The following POU2AF3 variants were observed in gnomAD, a reference collection of about 807,000 sequenced individuals.
POU2AF3 encodes cancer susceptibility candidate 13.
At chr11:111,308,460 C>T in the POU2AF3 span, 1 of 1,525,548 alleles carries the variant, frequency 6.6e-7, no homozygotes, top group Non-Finnish European at 8.8e-7. Context: ...TAATTCAGAA[C>T]ATGGCATGGG....
At chr11:111,298,817 G>A in the POU2AF3 span, 1 of 1,160,822 alleles carries the variant, frequency 8.6e-7, no homozygotes, top group Non-Finnish European at 1.1e-6. Flanking sequence ...GGACGTCCGC[G>A]TACCCCAGGC....
chr11:111,308,169 C>A, the POU2AF3 span: 1 of 1,551,778 alleles, frequency 6.4e-7, no homozygotes, highest in Non-Finnish European at 8.7e-7. Context: ...AATTACAATT[C>A]CCCTGCTTCT....
At chr11:111,300,511 A>T in the POU2AF3 span, 1 of 1,211,396 alleles carries the variant, frequency 8.3e-7, no homozygotes, top group Non-Finnish European at 1.0e-6. Context: ...CCACTGACTC[A>T]GTTGCCTTTC....
At chr11:111,306,721 CT>C in the POU2AF3 span, 1 of 905,542 alleles carries the variant, frequency 1.1e-6, no homozygotes, top group Non-Finnish European at 1.7e-6. Context: ...CATACAAAAA[CT>C]ATCAGCAAGG....
chr11:111,298,900 TG>T, the POU2AF3 span: 1 of 1,106,692 alleles, frequency 9.0e-7, no homozygotes, highest in Non-Finnish European at 1.1e-6. Flanking sequence ...GCCCAGAAGC[TG>T]CTACGGGGGG....
At chr11:111,300,265 G>C in the POU2AF3 span, 2 of 318,920 alleles carry the variant, frequency 6.3e-6, no homozygotes, top group Non-Finnish European at 1.1e-5. Context: ...ATTGGCCTAG[G>C]ACTGAGGCCC....
chr11:111,298,826 GC>G, the POU2AF3 span: 1 of 790,954 alleles, frequency 1.3e-6, no homozygotes. Flanking sequence ...CGTACCCCAG[GC>G]CCCCGCCCGC....
chr11:111,304,942 C>T, the POU2AF3 span: 2 of 1,232,782 alleles, frequency 1.6e-6, no homozygotes, highest in Non-Finnish European at 2.0e-6. Context: ...CCGGAGGCAG[C>T]AGTGTCCACC....
At chr11:111,300,271 G>A in the POU2AF3 span, 1 of 320,092 alleles carries the variant, frequency 3.1e-6, no homozygotes, top group South Asian at 1.6e-4. Context: ...CTAGGACTGA[G>A]GCCCAGCCAG....
At chr11:111,298,587 G>T in the POU2AF3 span, 2 of 1,246,510 alleles carry the variant, frequency 1.6e-6, no homozygotes, top group African/African-American at 1.6e-5. Flanking sequence ...CCACGATGTC[G>T]GGTAACTCGG....
the POU2AF3 span, chr11:111,299,658 C>T: frequency 4.1e-6 from 5 of 1,230,052 alleles, no homozygotes; most frequent in African/African-American, 1.6e-5. Context: ...CCCCAGCTCG[C>T]GCTGCGCGGA....
the POU2AF3 span, chr11:111,306,533 C>A: frequency 1.3e-6 from 2 of 1,551,472 alleles, no homozygotes; most frequent in South Asian, 1.2e-5. Flanking sequence ...CAGAGATGCA[C>A]CCGGAGCCTT....
chr11:111,306,758 A>G, the POU2AF3 span: 2 of 690,726 alleles, frequency 2.9e-6, no homozygotes, highest in Non-Finnish European at 4.8e-6. Flanking sequence ...ACAAGCAGAG[A>G]AGAATTTAAA....
chr11:111,308,709 T>C, the POU2AF3 span: 309 of 267,594 alleles, frequency 1.2e-3, no homozygotes, highest in Middle Eastern at 2.1e-3. Context: ...TCTCCTTTTT[T>C]ACTAATAAAT....
At chr11:111,299,126 C>G in the POU2AF3 span, 2 of 960,026 alleles carry the variant, frequency 2.1e-6, no homozygotes, top group East Asian at 1.1e-4. Flanking sequence ...TCCCTGGGTC[C>G]GGGCTAGGAA....
At chr11:111,304,234 C>T in the POU2AF3 span, among the ~76,000 whole-genome samples, 32 of 152,154 alleles carry the variant, frequency 2.1e-4, no homozygotes, top group Admixed American at 4.6e-4. Flanking sequence ...TTTGGGGAAA[C>T]GACTCCCTAA....
chr11:111,308,011 G>T, the POU2AF3 span: 1 of 1,436,828 alleles, frequency 7.0e-7, no homozygotes, highest in African/African-American at 1.5e-5. Flanking sequence ...ACACTGTTCA[G>T]TTCTTTGATC....
chr11:111,305,100 C>A, the POU2AF3 span: 3 of 525,456 alleles, frequency 5.7e-6, no homozygotes, highest in Non-Finnish European at 8.8e-6. Flanking sequence ...GGAATCCAAC[C>A]AATCAGAAGG....
the POU2AF3 span, chr11:111,298,598 C>A: frequency 8.0e-7 from 1 of 1,246,662 alleles, no homozygotes; most frequent in Non-Finnish European, 1.0e-6. Flanking sequence ...GGTAACTCGG[C>A]TGCTTCTCCT....
Sources: allele counts gnomAD v4.1 joint callset (sites outside exome capture counted in the v4.1 genomes callset), GRCh38; gene constraint gnomAD v4.1.1; transcripts MANE v1.5; gene names NCBI Gene and HGNC (gene_info 2026-07-23, HGNC 2026-07-21).